The following FOXP1 variants were observed in gnomAD, a reference collection of about 807,000 sequenced individuals.
FOXP1 encodes forkhead box protein P1.
In FOXP1, 15 loss-of-function variants were observed where a neutral mutation model predicts 98.2. The observed-to-expected ratio is 0.15, with a 90% CI of 0.10 to 0.24. The LOEUF (loss-of-function observed/expected upper bound fraction) is 0.24, where lower values mean the gene tolerates loss of function less well. Among genes scored for constraint, FOXP1 ranks in the 10% least tolerant of loss-of-function variants. FOXP1 has a pLI of 1.00. For missense variants in FOXP1, 633 were observed against 848.5 expected (o/e 0.75, Z 3.15); for synonymous variants, 371 against 314.5 (o/e 1.18, Z -1.90).
At chr3:71,176,071 T>A (rs1482591142) in intron 6 of FOXP1, among the ~76,000 whole-genome samples, 1 of 152,226 alleles carries the variant, frequency 6.6e-6, no homozygotes, top group East Asian at 1.9e-4. Context: ...GTGAATAATT[T>A]CCTCAAGAAA....
At chr3:71,031,669 T>C (rs1051462099) in intron 11 of FOXP1, among the ~76,000 whole-genome samples, 5 of 152,110 alleles carry the variant, frequency 3.3e-5, no homozygotes, top group African/African-American at 9.7e-5. Context: ...AAACCACAAA[T>C]ATTAGACCAA....
intron 6 of FOXP1, among the ~76,000 whole-genome samples, chr3:71,178,093 C>T (rs2062051683): frequency 1.3e-5 from 2 of 151,438 alleles, no homozygotes; most frequent in Admixed American, 1.3e-4. Context: ...CTCGGCCTCC[C>T]AAAGTGCTGG....
intron 2 of FOXP1, among the ~76,000 whole-genome samples, chr3:71,527,108 TAAG>T (rs1045406184): frequency 2.2e-4 from 33 of 152,090 alleles, no homozygotes; most frequent in Non-Finnish European, 4.6e-4. Context: ...GCCCAGAGCC[TAAG>T]AAGAAGAACA....
intron 7 of FOXP1, among the ~76,000 whole-genome samples, chr3:71,080,191 T>A (rs185754138): frequency 1.2e-4 from 18 of 152,346 alleles, no homozygotes; most frequent in African/African-American, 4.3e-4. Context: ...TATATTCTTG[T>A]TTCCTAAACC....
At chr3:71,391,298 A>G (rs946030559) in intron 3 of FOXP1, among the ~76,000 whole-genome samples, 1 of 152,202 alleles carries the variant, frequency 6.6e-6, no homozygotes, top group Non-Finnish European at 1.5e-5. Flanking sequence ...CCCACTACAA[A>G]AAGTTTCATG....
chr3:71,470,057 A>G (rs1346873306), intron 3 of FOXP1, among the ~76,000 whole-genome samples: 1 of 151,854 alleles, frequency 6.6e-6, no homozygotes, highest in Non-Finnish European at 1.5e-5. Context: ...ATAAAATAAA[A>G]TATTAATAAA....
chr3:70,987,079 CAATT>C (rs2039870728), intron 14 of FOXP1, among the ~76,000 whole-genome samples: 1 of 152,206 alleles, frequency 6.6e-6, no homozygotes, highest in Non-Finnish European at 1.5e-5. Flanking sequence ...TGTCAACGCT[CAATT>C]AATTTTCACA....
chr3:71,576,703 C>T (rs2047744685), intron 2 of FOXP1, among the ~76,000 whole-genome samples: 1 of 152,180 alleles, frequency 6.6e-6, no homozygotes, highest in Non-Finnish European at 1.5e-5. Flanking sequence ...TGCACTCTAC[C>T]AATAACCTTA....
At chr3:71,051,161 C>T (rs1161400458) in intron 9 of FOXP1, among the ~76,000 whole-genome samples, 1 of 152,236 alleles carries the variant, frequency 6.6e-6, no homozygotes, top group Non-Finnish European at 1.5e-5. Flanking sequence ...CCTTCCCTCC[C>T]TGTGCCATTT....
At chr3:71,339,497 G>A (rs1020388401) in intron 4 of FOXP1, among the ~76,000 whole-genome samples, 2 of 152,158 alleles carry the variant, frequency 1.3e-5, no homozygotes, top group African/African-American at 2.4e-5. Flanking sequence ...ACTCTTCAGC[G>A]TATCAGTGTC....
intron 4 of FOXP1, chr3:71,329,781 C>T (rs761365131): frequency 2.7e-4 from 41 of 152,136 alleles, no homozygotes; most frequent in African/African-American, 8.9e-4. Context: ...ATAACATTAC[C>T]GCTGGAAGAA....
intron 2 of FOXP1, among the ~76,000 whole-genome samples, chr3:71,501,806 T>G (rs567325083): frequency 1.3e-5 from 2 of 152,232 alleles, no homozygotes; most frequent in Middle Eastern, 3.4e-3. Flanking sequence ...CTCGGTGTCT[T>G]TTACATCATC....
chr3:71,025,900 G>GA (rs934308966), intron 11 of FOXP1, among the ~76,000 whole-genome samples: 2 of 152,168 alleles, frequency 1.3e-5, no homozygotes, highest in African/African-American at 4.8e-5. Flanking sequence ...TGTATGTGAG[G>GA]AAAAGCAGAG....
At chr3:71,276,996 T>C (rs1228664934) in intron 5 of FOXP1, among the ~76,000 whole-genome samples, 1 of 150,138 alleles carries the variant, frequency 6.7e-6, no homozygotes, top group African/African-American at 2.5e-5. Flanking sequence ...TCTCACTCTG[T>C]CGCCCAGGCT....
chr3:71,288,918 A>C (rs1394826283), intron 5 of FOXP1, among the ~76,000 whole-genome samples: 5 of 152,240 alleles, frequency 3.3e-5, no homozygotes, highest in Non-Finnish European at 4.4e-5. Flanking sequence ...ACTCTTACTA[A>C]GGTCATCAAT....
chr3:71,323,459 A>C (rs527739976), intron 4 of FOXP1, among the ~76,000 whole-genome samples: 1 of 152,258 alleles, frequency 6.6e-6, no homozygotes, highest in African/African-American at 2.4e-5. Context: ...AGACCTACAA[A>C]ACCAAGAATA....
At chr3:71,442,997 T>TG (rs2086087653) in intron 3 of FOXP1, among the ~76,000 whole-genome samples, 1 of 152,110 alleles carries the variant, frequency 6.6e-6, no homozygotes. Context: ...GTTCAAGAGG[T>TG]TCTCCTTCCT....
intron 3 of FOXP1, among the ~76,000 whole-genome samples, chr3:71,362,072 G>C (rs2078608027): frequency 6.6e-6 from 1 of 152,184 alleles, no homozygotes; most frequent in Non-Finnish European, 1.5e-5. Context: ...TCTGACTTTT[G>C]ACTAAGGCCC....
At chr3:70,987,750 A>C (rs1047801912) in intron 14 of FOXP1, among the ~76,000 whole-genome samples, 2 of 152,248 alleles carry the variant, frequency 1.3e-5, no homozygotes, top group African/African-American at 4.8e-5. Flanking sequence ...GCCTTTAAAG[A>C]AGAGCTGGGT....
Sources: allele counts gnomAD v4.1 joint callset (sites outside exome capture counted in the v4.1 genomes callset), GRCh38; gene constraint gnomAD v4.1.1; transcripts MANE v1.5; gene names NCBI Gene and HGNC (gene_info 2026-07-23, HGNC 2026-07-21).